AUTS2: variants seen among roughly 807,000 people sequenced by gnomAD.
AUTS2 encodes activator of transcription and developmental regulator AUTS2.
In AUTS2, 17 loss-of-function variants were observed where a neutral mutation model predicts 112.4. The ratio of observed to expected loss-of-function variants is 0.15; its 90% CI spans 0.10 to 0.23. The LOEUF is 0.23. Among genes scored for constraint, AUTS2 ranks in the 10% least tolerant of loss-of-function variants. The pLI is 1.00. For missense variants in AUTS2, 1,510 were observed against 1,701.6 expected (o/e 0.89, Z 1.98); for synonymous variants, 751 against 702.7 (o/e 1.07, Z -1.09).
rs76520008 is a variant in AUTS2 at position 69,743,526 on chromosome 7, C to T, written c.309+143564C>T. ...ATTTTTTACATACAATAAAGTGCATCGATTTTTAAGTGTACAGTTTTATGA... is the reference window on the plus strand; with the variant it reads ...ATTTTTTACATACAATAAAGTGCATTGATTTTTAAGTGTACAGTTTTATGA... On this transcript the variant is annotated intron_variant, in intron 1 of 18. Coordinates refer to ENST00000342771, the MANE Select transcript of AUTS2 (RefSeq NM_015570.4). 9.1e-4 allele frequency among the ~76,000 whole-genome samples: 138 copies of T among 152,096 alleles called. 4 individuals are homozygous for T. In the East Asian group the frequency reaches 0.022, roughly 24 times the overall value.
At chr7:69,913,926 C>T (rs563393215) in intron 2 of AUTS2, among the ~76,000 whole-genome samples, 1 of 152,196 alleles carries the variant, frequency 6.6e-6, no homozygotes, top group African/African-American at 2.4e-5. Flanking sequence ...GAAATGGTTC[C>T]CCCTCTGTTT....
intron 4 of AUTS2, chr7:70,291,347 G>T (rs1455684190): frequency 6.6e-6 from 1 of 152,006 alleles, no homozygotes; most frequent in Non-Finnish European, 1.5e-5. Context: ...AATAAAATAG[G>T]AATAACAGTA....
intron 5 of AUTS2, among the ~76,000 whole-genome samples, chr7:70,505,331 G>T (rs1798920632): frequency 6.6e-6 from 1 of 152,194 alleles, no homozygotes; most frequent in Non-Finnish European, 1.5e-5. Context: ...CTTTTAACCA[G>T]TTCTCCCAGA....
intron 4 of AUTS2, among the ~76,000 whole-genome samples, chr7:70,396,783 A>G (rs997169998): frequency 2.6e-5 from 4 of 152,166 alleles, no homozygotes; most frequent in Admixed American, 6.5e-5. Context: ...CTACTGATGG[A>G]CGTCTGGGTT....
chr7:70,412,979 G>T (rs1794838417), intron 4 of AUTS2, among the ~76,000 whole-genome samples: 1 of 152,170 alleles, frequency 6.6e-6, no homozygotes, highest in Admixed American at 6.5e-5. Flanking sequence ...GACAGAGTGA[G>T]ACTCCATCCC....
intron 1 of AUTS2, among the ~76,000 whole-genome samples, chr7:69,728,668 G>A (rs2129226573): frequency 7.1e-6 from 1 of 140,444 alleles, no homozygotes; most frequent in African/African-American, 2.7e-5. Context: ...CTGGTAGGTT[G>A]CTTGCTTGTG....
chr7:70,696,543 A>G (rs151205297), intron 5 of AUTS2, among the ~76,000 whole-genome samples: 108 of 152,324 alleles, frequency 7.1e-4, no homozygotes, highest in African/African-American at 2.5e-3. Flanking sequence ...CGGCATCATA[A>G]TAATGGCATC....
At chr7:69,750,104 C>T (rs1040464374) in intron 1 of AUTS2, among the ~76,000 whole-genome samples, 4 of 152,096 alleles carry the variant, frequency 2.6e-5, no homozygotes, top group Non-Finnish European at 5.9e-5. Context: ...GGTATGTTCT[C>T]TTGTTTTCTC....
At chr7:69,653,852 G>T (rs560536631) in intron 1 of AUTS2, among the ~76,000 whole-genome samples, 1 of 152,132 alleles carries the variant, frequency 6.6e-6, no homozygotes, top group South Asian at 2.1e-4. Context: ...GCCCAGCTTT[G>T]TTCTTCTGGG....
intron 1 of AUTS2, among the ~76,000 whole-genome samples, chr7:69,860,476 A>G (rs949580528): frequency 2.0e-5 from 3 of 152,026 alleles, no homozygotes; most frequent in African/African-American, 4.8e-5. Flanking sequence ...TCATCCCAAG[A>G]TTCTCCTTGT....
intron 2 of AUTS2, among the ~76,000 whole-genome samples, chr7:69,962,704 A>ATGTATG (rs1257177483): frequency 6.6e-6 from 1 of 151,800 alleles, no homozygotes; most frequent in African/African-American, 2.4e-5. Context: ...GCATGCATGC[A>ATGTATG]TGTATGTGTA....
At chr7:69,794,372 CT>C (rs891406487) in intron 1 of AUTS2, among the ~76,000 whole-genome samples, 4 of 152,142 alleles carry the variant, frequency 2.6e-5, no homozygotes, top group Non-Finnish European at 5.9e-5. Flanking sequence ...GATTTCTTAT[CT>C]TTTTGCTGGG....
intron 1 of AUTS2, among the ~76,000 whole-genome samples, chr7:69,870,258 G>A (rs1195523392): frequency 1.3e-5 from 2 of 151,290 alleles, no homozygotes; most frequent in Non-Finnish European, 2.9e-5. Flanking sequence ...GTAAGACCGG[G>A]GGAATTTGTT....
intron 1 of AUTS2, among the ~76,000 whole-genome samples, chr7:69,699,553 A>G (rs1312233896): frequency 6.6e-6 from 1 of 151,228 alleles, no homozygotes; most frequent in East Asian, 1.9e-4. Flanking sequence ...ATTTCATTGT[A>G]TAGCTGTACC....
At chr7:69,620,613 C>A (rs1217380514) in intron 1 of AUTS2, among the ~76,000 whole-genome samples, 1 of 152,120 alleles carries the variant, frequency 6.6e-6, no homozygotes, top group Non-Finnish European at 1.5e-5. Flanking sequence ...AAAATATTCC[C>A]AGCACGTAAG....
chr7:70,713,219 T>C (rs1810160669), intron 6 of AUTS2, among the ~76,000 whole-genome samples: 1 of 152,250 alleles, frequency 6.6e-6, no homozygotes, highest in Non-Finnish European at 1.5e-5. Flanking sequence ...GCCTGCCATC[T>C]GTGTGAAGGG....
Position 69,930,178 on chromosome 7 carries a change from G to A in AUTS2, c.522+30680G>A, listed in dbSNP as rs189671163. On this transcript the variant is annotated intron_variant, in intron 2 of 18. Coordinates refer to ENST00000342771, the MANE Select transcript of AUTS2 (RefSeq NM_015570.4). ...ACAGGCACTGTTCAGAGTCCTGTGCGAGTCCCAAGAAATGTTCTCTATAAT... is the reference window on the plus strand; with the variant it reads ...ACAGGCACTGTTCAGAGTCCTGTGCAAGTCCCAAGAAATGTTCTCTATAAT... Among the ~76,000 whole-genome samples the A allele has an allele frequency of 3.3e-5, 5 of 152,248 alleles. No homozygotes were observed. The South Asian group carries it at 8.3e-4, about 25-fold the overall frequency.
chr7:70,024,717 A>C (rs747852265), intron 2 of AUTS2, among the ~76,000 whole-genome samples: 21 of 152,058 alleles, frequency 1.4e-4, no homozygotes, highest in Non-Finnish European at 2.6e-4. Context: ...GCGAGTCTGA[A>C]ATCTGTAGGG....
At chr7:70,594,732 G>A (rs1190966098) in intron 5 of AUTS2, among the ~76,000 whole-genome samples, 1 of 152,156 alleles carries the variant, frequency 6.6e-6, no homozygotes, top group African/African-American at 2.4e-5. Context: ...AGTGGGAGAT[G>A]GGGGTGAGTG....
Sources: gnomAD v4.1 joint callset for allele counts (sites outside exome capture counted in the v4.1 genomes callset) on GRCh38, gnomAD v4.1.1 for gene constraint, MANE v1.5 for transcripts, NCBI Gene and HGNC (gene_info 2026-07-23, HGNC 2026-07-21) for gene names.